Variants in USP42 observed in about 807,000 individuals in gnomAD.
USP42 encodes the protein ubiquitin specific peptidase 42, also known as ubiquitin carboxyl-terminal hydrolase 42.
Under a neutral mutation model 113.0 loss-of-function variants are expected in USP42, and 23 were observed. That is an observed-to-expected ratio of 0.20 (90% confidence interval 0.15 to 0.29). USP42 has a LOEUF of 0.29. Among genes scored for constraint, USP42 ranks in the 10% least tolerant of loss-of-function variants. The probability of loss-of-function intolerance (pLI) is 1.00; values close to 1 mark genes in which losing one functional copy is unlikely to be tolerated. For missense variants in USP42, 2,174 were observed against 1,779.8 expected (o/e 1.22, Z -3.99); for synonymous variants, 933 against 699.0 (o/e 1.33, Z -5.28).
At chr7:6,127,784 A>T (rs979583946) in intron 3 of USP42, among the ~76,000 whole-genome samples, 1 of 152,208 alleles carries the variant, frequency 6.6e-6, no homozygotes, top group African/African-American at 2.4e-5. Flanking sequence ...AAAATAATCT[A>T]TATAAAATAT....
At chr7:6,105,461 C>G (rs1330453563) in intron 1 of USP42, among the ~76,000 whole-genome samples, 1 of 147,494 alleles carries the variant, frequency 6.8e-6, no homozygotes, top group East Asian at 2.0e-4. Flanking sequence ...TCCGGCGTCC[C>G]CGGCCCGCCC....
At chr7:6,153,631 A>T in intron 14 of USP42, 125 bp from the exon 15 acceptor site, 3 of 1,188,788 alleles carry the variant, frequency 2.5e-6, no homozygotes, top group Non-Finnish European at 3.3e-6. Context: ...CTTAAAGTAT[A>T]ATAATAATAA....
the USP42 span, among the ~76,000 whole-genome samples, chr7:6,091,796 G>A: frequency 4.0e-5 from 6 of 150,410 alleles, 1 homozygote; most frequent in African/African-American, 1.5e-4. Flanking sequence ...GTGGGGTGGT[G>A]TCTAGCTATT....
rs1357104283 is a variant in USP42, at chr7:6,149,955, T to C, written c.1759T>C (p.Ser587Pro). 6.2e-7 allele frequency: 1 copy of C among 1,613,992 alleles called. No individual in the cohort carries two copies. The highest frequency in any genetic ancestry group is 2.2e-5 in the East Asian group (1 of 44,882). Residue 587 changes from serine (S) to proline (P), a missense_variant, in exon 13 of 18, where the codon TCC (serine) becomes CCC (proline). Physicochemically the swap from Ser to Pro is moderately conservative, Grantham distance 74. Coordinates refer to ENST00000306177, the MANE Select transcript of USP42 (RefSeq NM_032172.3). The part of the protein sequence containing the change: ...KVTKPIPRSE[S>P]CSQPVMNGKS... Reference sequence around the variant, plus strand: ...AACAAAACCGATCCCCCGCAGTGAATCCTGCTCCCAGCCCGTGATGAATGG... The same window carrying C: ...AACAAAACCGATCCCCCGCAGTGAACCCTGCTCCCAGCCCGTGATGAATGG...
chr7:6,087,583 C>A, the USP42 span, among the ~76,000 whole-genome samples: 1 of 150,606 alleles, frequency 6.6e-6, no homozygotes, highest in Non-Finnish European at 1.5e-5. Context: ...GCAATCCACC[C>A]GCTTCGGCCT....
upstream of USP42, among the ~76,000 whole-genome samples, chr7:6,104,286 G>C (rs1048463075): frequency 6.6e-6 from 1 of 151,426 alleles, no homozygotes; most frequent in African/African-American, 2.5e-5. Context: ...GTTTCACCAT[G>C]CTGGCCAGGC....
At chr7:6,122,724 C>T (rs962772329) in intron 3 of USP42, among the ~76,000 whole-genome samples, 3 of 152,080 alleles carry the variant, frequency 2.0e-5, no homozygotes, top group African/African-American at 2.4e-5. Flanking sequence ...CCCGCCTCAG[C>T]CTCCCAAAGT....
chr7:6,147,525 G>A (rs765002750), intron 11 of USP42, among the ~76,000 whole-genome samples: 38 of 152,194 alleles, frequency 2.5e-4, no homozygotes, highest in Non-Finnish European at 3.1e-4. Flanking sequence ...TTTAAAGAAC[G>A]TCATTTACCC....
chr7:6,160,301 G>C (rs894730442), intron 17 of USP42, among the ~76,000 whole-genome samples: 1 of 152,250 alleles, frequency 6.6e-6, no homozygotes, highest in Non-Finnish European at 1.5e-5. Context: ...TCCTGAGTGA[G>C]GGGCTGTGAG....
rs779742880 is a variant in USP42 at position 6,150,140 on chromosome 7, G to C, written c.1944G>C (p.Pro648=). The C allele has an allele frequency of 6.2e-7, 1 of 1,613,392 alleles. No homozygotes were observed. Among genetic ancestry groups the C allele is most frequent in the South Asian group, 1.1e-5 (1 of 91,006 alleles). Residue 648 remains proline (P), a synonymous_variant, in exon 13 of 18, where the codon CCG becomes CCC. Coordinates refer to ENST00000306177, the MANE Select transcript of USP42 (RefSeq NM_032172.3). ...GQDAEDEEAT[P]HELQEPMTLN... ...ATGCCGAAGATGAGGAGGCCACTCCGCACGAGCTTCAAGAACCCATGACCC... is the reference window on the plus strand; with the variant it reads ...ATGCCGAAGATGAGGAGGCCACTCCCCACGAGCTTCAAGAACCCATGACCC...
chr7:6,153,876 G>C lies in USP42; in HGVS notation c.2322G>C (p.Lys774Asn), dbSNP rs762817413. ...CCGCCGGCCTCAGCAGCACCAAGAAGGCTCCGCCGCCCCGCGATCCCGGCA... is the reference window on the plus strand; with the variant it reads ...CCGCCGGCCTCAGCAGCACCAAGAACGCTCCGCCGCCCCGCGATCCCGGCA... The part of the protein sequence containing the change: ...DAAAGLSSTK[K>N]APPPRDPGTP... The change falls in exon 15 of 18, where the codon AAG becomes AAC. Residue 774 changes from lysine to asparagine, a missense_variant. Physicochemically the swap from Lys to Asn is moderately conservative, Grantham distance 94. Coordinates refer to ENST00000306177, the MANE Select transcript of USP42 (RefSeq NM_032172.3). The C allele has an allele frequency of 1.9e-6, 3 of 1,562,424 alleles. No homozygotes were observed. Among genetic ancestry groups the C allele is most frequent in the South Asian group, 2.3e-5 (2 of 85,640 alleles).
intron 12 of USP42, 24 bp downstream of exon 12, chr7:6,147,916 C>G: frequency 6.4e-7 from 1 of 1,565,346 alleles, no homozygotes; most frequent in Non-Finnish European, 8.7e-7. Context: ...GGGAGAAGAA[C>G]ATTTTTATGT....
upstream of USP42, among the ~76,000 whole-genome samples, chr7:6,103,396 C>T (rs769986959): frequency 6.7e-6 from 1 of 150,092 alleles, no homozygotes; most frequent in Admixed American, 6.6e-5. Flanking sequence ...ATTAGCCGGG[C>T]GTGGTGGCGG....
intron 3 of USP42, among the ~76,000 whole-genome samples, chr7:6,121,661 CT>C (rs1284072702): frequency 6.6e-6 from 1 of 152,042 alleles, no homozygotes; most frequent in Non-Finnish European, 1.5e-5. Flanking sequence ...CTACATTCTT[CT>C]TTTCTTTGTT....
intron 11 of USP42, among the ~76,000 whole-genome samples, chr7:6,146,750 T>G (rs1324570076): frequency 6.6e-6 from 1 of 152,214 alleles, no homozygotes; most frequent in East Asian, 1.9e-4. Context: ...TTGCTCCGCA[T>G]CGCACTCTGT....
At chr7:6,138,982 G>A in intron 4 of USP42, 110 bp from the exon 5 acceptor site, 1 of 660,032 alleles carries the variant, frequency 1.5e-6, no homozygotes, top group South Asian at 2.2e-5. Context: ...CATAAAGTAA[G>A]TATTTGGGAG....
At position 6,155,119 on chromosome 7, in the gene USP42, G is replaced by A. The variant is rs767452368; in HGVS notation, c.3565G>A (p.Glu1189Lys). 1.3e-6 allele frequency: 2 copies of A among 1,557,788 alleles called. No homozygotes were observed. The highest frequency in any genetic ancestry group is 3.9e-5 in the Admixed American group (2 of 51,436). Residue 1189 changes from glutamate to lysine, a missense_variant, in exon 15 of 18, where the codon GAG (glutamate) becomes AAG (lysine). Transcript: ENST00000306177. ...GAGCGAACAGAAGGATCCTCTAGAA[G>A]AGCCTAAAGCAAAGAAGCACAAAAA... is the stretch of plus-strand genomic sequence containing the variant. ...RRSEQKDPLE[E>K]PKAKKHKKSK...
At chr7:6,135,714 A>G (rs979844465) in intron 3 of USP42, 127 bp from the exon 4 acceptor site, 17 of 350,378 alleles carry the variant, frequency 4.9e-5, no homozygotes, top group Non-Finnish European at 8.4e-5. Flanking sequence ...ATAAAAGTAG[A>G]TAGCTCAAGG....
At chr7:6,122,767 G>A (rs911826687) in intron 3 of USP42, among the ~76,000 whole-genome samples, 18 of 151,906 alleles carry the variant, frequency 1.2e-4, no homozygotes, top group Admixed American at 9.2e-4. Flanking sequence ...ACTGTGTCCA[G>A]CCTAATTTTT....
Sources: gnomAD v4.1 joint callset for allele counts (sites outside exome capture counted in the v4.1 genomes callset) on GRCh38, gnomAD v4.1.1 for gene constraint, MANE v1.5 for transcripts, NCBI Gene and HGNC (gene_info 2026-07-23, HGNC 2026-07-21) for gene names.